Variants in ST3GAL4 observed in about 807,000 individuals in gnomAD.
ST3GAL4 encodes ST3 beta-galactoside alpha-2,3-sialyltransferase 4.
A neutral mutation model predicts 42.6 loss-of-function variants in ST3GAL4; 24 were observed. That is an observed-to-expected ratio of 0.56 (90% CI 0.41 to 0.79). The LOEUF (loss-of-function observed/expected upper bound fraction) is 0.79, where lower values mean the gene tolerates loss of function less well. Among genes scored for constraint, ST3GAL4 ranks in the 30% least tolerant of loss-of-function variants. ST3GAL4 has a pLI of 0.00. For missense variants in ST3GAL4, 311 were observed against 430.8 expected, an observed-to-expected ratio of 0.72 and a Z score of 2.46; for synonymous variants, 135 against 163.2, an observed-to-expected ratio of 0.83 and a Z score of 1.32.
At position 126,396,326 on chromosome 11, in the gene ST3GAL4, A is replaced by T. The variant is rs531597065; in HGVS notation, c.-60-9770A>T. 5.8e-4 allele frequency among the ~76,000 whole-genome samples: 88 copies of T among 152,198 alleles called. No homozygotes were observed. In the South Asian group the frequency reaches 9.7e-3, roughly 17 times the overall value. On this transcript the variant is annotated intron_variant, in intron 1 of 10. Transcript: ENST00000444328. This position sits in a 1 kb window ranked among gnomAD's most constrained non-coding sequence, Gnocchi z 5.8. ...GGCCCGCGCTGAGGTTCGGCAGGGA[A>T]GCCAGAGGAGTCCGCAGCCCGGGAG...
intron 5 of ST3GAL4, 56 bp from the exon 6 acceptor site, chr11:126,407,518 G>A: frequency 1.2e-6 from 2 of 1,602,492 alleles, no homozygotes; most frequent in East Asian, 2.2e-5. Context: ...GGGAGGGCAG[G>A]CAGCCTTCAG....
chr11:126,411,973 G>T lies in ST3GAL4; in HGVS notation c.772-1532G>T, dbSNP rs991335613. On this transcript the variant is annotated intron_variant, in intron 9 of 10. Coordinates refer to ENST00000444328, the MANE Select transcript of ST3GAL4 (RefSeq NM_001254757.2). This position sits in a 1 kb window ranked among gnomAD's most constrained non-coding sequence, Gnocchi z 6.3. ...TCATATTCACGGGCTCCCCACACGC[G>T]CAAGGGAGGAGATTACATGAGGGTT... Among the ~76,000 whole-genome samples, 44 of 152,226 alleles carry T rather than the reference G, an allele frequency of 2.9e-4. No homozygotes were observed. The highest frequency in any genetic ancestry group is 1.0e-3 in the African/African-American group (42 of 41,516).
chr11:126,413,929 C>T (rs376540200), intron 10 of ST3GAL4, 32 bp from the exon 11 acceptor site: 200 of 1,610,862 alleles, frequency 1.2e-4, no homozygotes, highest in Non-Finnish European at 1.5e-4. Flanking sequence ...CCCTGGGAGT[C>T]CCTCAGTTTA....
intron 1 of ST3GAL4, among the ~76,000 whole-genome samples, chr11:126,377,127 A>T (rs1323605591): frequency 6.6e-6 from 1 of 152,204 alleles, no homozygotes; most frequent in Non-Finnish European, 1.5e-5. Context: ...GTGTTCTTTA[A>T]GGTATTTTAA....
chr11:126,358,407 CT>C, intron 1 of ST3GAL4: 1 of 427,806 alleles, frequency 2.3e-6, no homozygotes, highest in Non-Finnish European at 4.7e-6. Flanking sequence ...TTGTTGCCCC[CT>C]TCCCAGAGGC....
chr11:126,369,328 A>G (rs1438717353), intron 1 of ST3GAL4, among the ~76,000 whole-genome samples: 1 of 151,016 alleles, frequency 6.6e-6, no homozygotes, highest in Non-Finnish European at 1.5e-5. Flanking sequence ...GCTCACTGCA[A>G]CCTCGGCCTC....
At chr11:126,385,102 G>C (rs570711982) in intron 1 of ST3GAL4, among the ~76,000 whole-genome samples, 21 of 152,150 alleles carry the variant, frequency 1.4e-4, no homozygotes, top group Non-Finnish European at 2.4e-4. Flanking sequence ...TTTAAAAGAC[G>C]AGGACTCTGA....
chr11:126,403,466 C>T, intron 1 of ST3GAL4: 2 of 984,752 alleles, frequency 2.0e-6, no homozygotes, highest in African/African-American at 1.7e-5. Flanking sequence ...GCCCAGGCTG[C>T]ATTTTAGAAT....
intron 1 of ST3GAL4, among the ~76,000 whole-genome samples, chr11:126,382,903 A>G (rs1412437690): frequency 6.6e-6 from 1 of 152,236 alleles, no homozygotes; most frequent in Non-Finnish European, 1.5e-5. Flanking sequence ...AGAAAGTGTG[A>G]GCAGGCTGGC....
At position 126,370,703 on chromosome 11, in the gene ST3GAL4, G is replaced by C. The variant is rs376062634; in HGVS notation, c.-61+14861G>C. 6.0e-5 allele frequency among the ~76,000 whole-genome samples: 9 copies of C among 149,232 alleles called. No individual in the cohort carries two copies. In the East Asian group the frequency reaches 1.6e-3, roughly 26 times the overall value. ...TTTTTTTTTTTTTCCTTGAAATGGA[G>C]ACTCGCTCTGTCACCCAGGCTGGAG... On this transcript the variant is annotated intron_variant, in intron 1 of 10. Coordinates refer to ENST00000444328, the MANE Select transcript of ST3GAL4 (RefSeq NM_001254757.2).
rs1953852748 is a variant in ST3GAL4 at position 126,398,105 on chromosome 11, AAGTCCAC to A, written c.-60-7986_-60-7980del. ...GTTTCAGCACCACATTAAAAGTCCA[AAGTCCAC>A]AGTCTCATCTAAGTCAGCTGTGGGT... On this transcript the variant is annotated intron_variant, in intron 1 of 10. Coordinates refer to ENST00000444328, the MANE Select transcript of ST3GAL4 (RefSeq NM_001254757.2). The surrounding 1 kb of genome is among the most constrained non-coding windows in gnomAD (Gnocchi z 4.7). 6.6e-6 allele frequency among the ~76,000 whole-genome samples: 1 copy of A among 152,214 alleles called. No homozygotes were observed. The highest frequency in any genetic ancestry group is 2.1e-4 in the South Asian group (1 of 4,832).
chr11:126,378,861 AT>A lies in ST3GAL4; in HGVS notation c.-61+23020del, dbSNP rs768028010. On this transcript the variant is annotated intron_variant, in intron 1 of 10. Coordinates refer to ENST00000444328, the MANE Select transcript of ST3GAL4 (RefSeq NM_001254757.2). This position sits in a 1 kb window ranked among gnomAD's most constrained non-coding sequence, Gnocchi z 5.3. ...GCTTTCATGGTCATGTTCAGATTTT[AT>A]ATATGTGTCTCATGTAGGAATCTAG... Among the ~76,000 whole-genome samples, 1 of 152,192 alleles carries A rather than the reference AT, an allele frequency of 6.6e-6. No homozygotes were observed. The highest frequency in any genetic ancestry group is 1.5e-5 in the Non-Finnish European group (1 of 68,034).
chr11:126,380,362 T>G (rs903788801), intron 1 of ST3GAL4, among the ~76,000 whole-genome samples: 2 of 152,134 alleles, frequency 1.3e-5, no homozygotes, highest in African/African-American at 4.8e-5. Context: ...TGGGATATAC[T>G]TTGGCATCAT....
In ST3GAL4 at chr11:126,411,773, T is replaced by A. The variant is rs372552570; in HGVS notation, c.772-1732T>A. ...GCCCACATTTCTTGACCGTACAGCCTCCATCTTCAAGCCAGCGACGGCACA... is the reference window on the plus strand; with the variant it reads ...GCCCACATTTCTTGACCGTACAGCCACCATCTTCAAGCCAGCGACGGCACA... On this transcript the variant is annotated intron_variant, in intron 9 of 10. Coordinates refer to ENST00000444328, the MANE Select transcript of ST3GAL4 (RefSeq NM_001254757.2). This position sits in a 1 kb window ranked among gnomAD's most constrained non-coding sequence, Gnocchi z 6.3. 1.3e-5 allele frequency among the ~76,000 whole-genome samples: 2 copies of A among 152,032 alleles called. No homozygotes were observed. Among genetic ancestry groups the A allele is most frequent in the East Asian group, 3.9e-4 (2 of 5,182 alleles).
At chr11:126,380,741 AT>A (rs951621240) in intron 1 of ST3GAL4, among the ~76,000 whole-genome samples, 1 of 152,116 alleles carries the variant, frequency 6.6e-6, no homozygotes, top group African/African-American at 2.4e-5. Flanking sequence ...GGTAGGTGGG[AT>A]TTCATCTTTC....
At position 126,366,175 on chromosome 11, in the gene ST3GAL4, CAA is replaced by C. The variant is rs1198631625; in HGVS notation, c.-61+10335_-61+10336del. 1.3e-5 allele frequency among the ~76,000 whole-genome samples: 2 copies of C among 152,172 alleles called. No individual in the cohort carries two copies. Among genetic ancestry groups the C allele is most frequent in the African/African-American group, 2.4e-5 (1 of 41,448 alleles). On this transcript the variant is annotated intron_variant, in intron 1 of 10. Transcript: ENST00000444328. The surrounding 1 kb of genome is among the most constrained non-coding windows in gnomAD (Gnocchi z 4.2). ...TCCCAGGGACCTGCAAGCTGACAAACAAAGTCTATACGAGCCAGAGCTGGGGT... is the reference window on the plus strand; with the variant it reads ...TCCCAGGGACCTGCAAGCTGACAAACAGTCTATACGAGCCAGAGCTGGGGT...
At chr11:126,371,721 T>A (rs139310349) in intron 1 of ST3GAL4, among the ~76,000 whole-genome samples, 108 of 152,346 alleles carry the variant, frequency 7.1e-4, no homozygotes, top group African/African-American at 2.5e-3. Context: ...TTTGCTATTG[T>A]AACACTGCTA....
At chr11:126,399,368 G>C (rs767150542) in intron 1 of ST3GAL4, among the ~76,000 whole-genome samples, 1 of 124,190 alleles carries the variant, frequency 8.1e-6, no homozygotes, top group Non-Finnish European at 1.6e-5. Flanking sequence ...TCAGTGGCAC[G>C]ATCTCAGTTT....
At chr11:126,387,836 G>A (rs1953289302) in intron 1 of ST3GAL4, among the ~76,000 whole-genome samples, 1 of 152,264 alleles carries the variant, frequency 6.6e-6, no homozygotes, top group South Asian at 2.1e-4. Flanking sequence ...ACATATCTGG[G>A]TATGCATGTA....
Sources: allele counts gnomAD v4.1 joint callset (sites outside exome capture counted in the v4.1 genomes callset), GRCh38; gene constraint gnomAD v4.1.1; non-coding constraint Gnocchi (gnomAD v3.1); transcripts MANE v1.5; gene names NCBI Gene and HGNC (gene_info 2026-07-23, HGNC 2026-07-21).